EGFR: variants seen among roughly 807,000 people sequenced by gnomAD.
EGFR encodes the protein epidermal growth factor receptor, also known as avian erythroblastic leukemia viral (v-erb-b) oncogene homolog.
EGFR carries 58 observed loss-of-function variants against 143.0 expected under a neutral mutation model. That is an observed-to-expected ratio of 0.41 (90% confidence interval 0.33 to 0.50). The LOEUF (loss-of-function observed/expected upper bound fraction) is 0.50, where lower values mean the gene tolerates loss of function less well. Ranked by LOEUF, EGFR falls within the 20% of genes least tolerant of loss-of-function variation. EGFR has a pLI of 0.39. For synonymous variants in EGFR, 613 were observed against 594.4 expected, an observed-to-expected ratio of 1.03 and a Z score of -0.45; for missense variants, 1,307 against 1,579.0, an observed-to-expected ratio of 0.83 and a Z score of 2.92.
intron 1 of EGFR, among the ~76,000 whole-genome samples, chr7:55,113,858 C>A (rs2128909242): frequency 6.6e-6 from 1 of 152,330 alleles, no homozygotes; most frequent in East Asian, 1.9e-4. Flanking sequence ...AAGTAGGTGC[C>A]TGCCTTCCTG....
At chr7:55,141,503 T>A (rs1330396766) in intron 1 of EGFR, among the ~76,000 whole-genome samples, 1 of 152,182 alleles carries the variant, frequency 6.6e-6, no homozygotes, top group African/African-American at 2.4e-5. Flanking sequence ...GCTGGGTGGA[T>A]CAACATGGAG....
chr7:55,165,454 G>A lies in EGFR; in HGVS notation c.1880+17G>A, dbSNP rs773889629. On this transcript the variant is annotated intron_variant, in intron 15 of 27. Transcript: ENST00000275493. ...CACCTACGGGTGAGTGGAAAGTGAA[G>A]GAGAACAGAACATTTCCTCTCTTGC... The A allele has an allele frequency of 1.2e-5, 20 of 1,601,140 alleles. No homozygotes were observed. The South Asian group carries it at 2.2e-4, about 18-fold the overall frequency.
chr7:55,069,557 C>T (rs974604756), intron 1 of EGFR, among the ~76,000 whole-genome samples: 1 of 152,332 alleles, frequency 6.6e-6, no homozygotes, highest in South Asian at 2.1e-4. Context: ...GAACCCAGCA[C>T]GTACTTTACC....
chr7:55,083,360 C>G (rs1790576234), intron 1 of EGFR, among the ~76,000 whole-genome samples: 1 of 152,220 alleles, frequency 6.6e-6, no homozygotes, highest in African/African-American at 2.4e-5. Flanking sequence ...AATAACTCAG[C>G]CTTGAACTCC....
intron 1 of EGFR, among the ~76,000 whole-genome samples, chr7:55,022,295 T>C (rs1472108174): frequency 6.6e-6 from 1 of 152,120 alleles, no homozygotes; most frequent in Admixed American, 6.5e-5. Context: ...GGGAGCTTTG[T>C]GGAAATAAGC....
At chr7:55,167,795 T>A (rs1009367030) in intron 15 of EGFR, among the ~76,000 whole-genome samples, 1 of 152,182 alleles carries the variant, frequency 6.6e-6, no homozygotes, top group Non-Finnish European at 1.5e-5. Flanking sequence ...AATCATATAA[T>A]CTCCAACAGT....
At position 55,061,649 on chromosome 7, in the gene EGFR, T is replaced by TGTGAGAGAGA. The variant is rs1432070752; in HGVS notation, c.88+42285_88+42286insTGAGAGAGAG. ...GTGTGTGTGTGTGTGTGTGTGTGTG[T>TGTGAGAGAGA]GAGAGAGAGAGAGAGAGAGAGAGAC... On this transcript the variant is annotated intron_variant, in intron 1 of 27. Transcript: ENST00000275493. 3.6e-3 allele frequency among the ~76,000 whole-genome samples: 476 copies of TGTGAGAGAGA among 132,770 alleles called. 6 individuals are homozygous for TGTGAGAGAGA. The highest frequency in any genetic ancestry group is 8.2e-3 in the Middle Eastern group (2 of 244). 87.1% of individuals were successfully genotyped at this position (132,770 alleles called of 152,430 possible).
chr7:55,197,449 C>A (rs970633764), intron 22 of EGFR, among the ~76,000 whole-genome samples: 2 of 152,184 alleles, frequency 1.3e-5, no homozygotes, highest in Non-Finnish European at 2.9e-5. Flanking sequence ...ATCATGTCAT[C>A]TGCAAACAGA....
intron 1 of EGFR, among the ~76,000 whole-genome samples, chr7:55,040,947 T>TC (rs1460916798): frequency 1.3e-5 from 2 of 152,166 alleles, no homozygotes; most frequent in Non-Finnish European, 2.9e-5. Context: ...GTATGTGGAG[T>TC]CCTATGTGGA....
At chr7:55,023,265 G>T (rs1285803193) in intron 1 of EGFR, among the ~76,000 whole-genome samples, 1 of 152,116 alleles carries the variant, frequency 6.6e-6, no homozygotes, top group Admixed American at 6.5e-5. Context: ...TTAACATTGG[G>T]TTTTACTAAT....
intron 1 of EGFR, among the ~76,000 whole-genome samples, chr7:55,134,070 G>A (rs575008615): frequency 1.3e-5 from 2 of 152,344 alleles, no homozygotes; most frequent in Admixed American, 1.3e-4. Context: ...CTCACACAGA[G>A]GGATTTTGAA....
chr7:55,201,251 G>A lies in EGFR; in HGVS notation c.3010G>A (p.Glu1004Lys), dbSNP rs2128971592. The part of the protein sequence containing the change: ...DSNFYRALMD[E>K]EDMDDVVDAD... ...CAACTTCTACCGTGCCCTGATGGAT[G>A]AAGAAGACATGGACGACGTGGTGGA... Residue 1004 changes from glutamate to lysine, a missense_variant, in exon 25 of 28, where the codon GAA (glutamate) becomes AAA (lysine). By Grantham distance (56) the Glu-to-Lys change is moderately conservative. This residue lies in a region of EGFR where 313 missense variants were observed against 312.3 expected (regional missense o/e 1.00). Coordinates refer to ENST00000275493, the MANE Select transcript of EGFR (RefSeq NM_005228.5). The A allele has an allele frequency of 6.2e-7, 1 of 1,614,172 alleles. No homozygotes were observed. Among genetic ancestry groups the A allele is most frequent in the Non-Finnish European group, 8.5e-7 (1 of 1,180,036 alleles).
chr7:55,150,245 A>T (rs1785082786), intron 4 of EGFR, among the ~76,000 whole-genome samples: 1 of 152,350 alleles, frequency 6.6e-6, no homozygotes, highest in East Asian at 1.9e-4. Context: ...CACGCTACAG[A>T]TCTAGCTGCT....
intron 27 of EGFR, among the ~76,000 whole-genome samples, chr7:55,204,320 CACAT>C (rs1354314794): frequency 6.8e-6 from 1 of 147,344 alleles, no homozygotes; most frequent in African/African-American, 2.5e-5. Context: ...GCCACACACA[CACAT>C]ACACACCACA....
At chr7:55,192,067 A>T (rs1009759851) in intron 21 of EGFR, among the ~76,000 whole-genome samples, 193 bp downstream of exon 21, 1 of 152,058 alleles carries the variant, frequency 6.6e-6, no homozygotes, top group African/African-American at 2.4e-5. Flanking sequence ...CTGCTTTGGG[A>T]ACAGTACTTG....
Position 55,209,101 on chromosome 7 carries a change from G to C in EGFR, c.*3484G>C, listed in dbSNP as rs994140029. The C allele has an allele frequency of 6.6e-6, 1 of 152,016 alleles. No homozygotes were observed. Among genetic ancestry groups the C allele is most frequent in the African/African-American group, 2.4e-5 (1 of 41,370 alleles). The allele number at this position is 152,016 out of a possible 1,614,324, so 9.4% of individuals were successfully genotyped here. A position where few individuals can be genotyped will look rare whatever the true frequency, so the allele number is the denominator to read the frequency against. On this transcript the variant is annotated 3_prime_UTR_variant, in exon 28 of 28. Transcript: ENST00000275493. ...TCAGCACCTCCCCTCAGGCAGAAAA[G>C]AATCATCTGTGGAGCTTCAAAAGAA... is the stretch of plus-strand genomic sequence containing the variant.
intron 1 of EGFR, among the ~76,000 whole-genome samples, chr7:55,078,420 C>T (rs111626524): frequency 0.022 from 3,342 of 152,228 alleles, 78 homozygotes; most frequent in African/African-American, 0.053. Flanking sequence ...TTTTTCACTT[C>T]GTGTTTGTCA....
intron 1 of EGFR, among the ~76,000 whole-genome samples, chr7:55,101,901 T>C (rs530809700): frequency 6.6e-6 from 1 of 152,262 alleles, no homozygotes; most frequent in African/African-American, 2.4e-5. Flanking sequence ...TTTCTTCCCA[T>C]CCCTTTTCCA....
chr7:55,146,474 G>A, intron 3 of EGFR, 132 bp from the exon 4 acceptor site: 1 of 1,439,438 alleles, frequency 6.9e-7, no homozygotes, highest in Non-Finnish European at 9.5e-7. Flanking sequence ...AAGTTCACTG[G>A]GCTAATTGCG....
Sources: allele counts gnomAD v4.1 joint callset (sites outside exome capture counted in the v4.1 genomes callset), GRCh38; gene constraint gnomAD v4.1.1; regional missense constraint gnomAD v4.1.1; transcripts MANE v1.5; gene names NCBI Gene and HGNC (gene_info 2026-07-23, HGNC 2026-07-21).